Variants in CCDC171 observed in about 807,000 individuals in gnomAD.
CCDC171 encodes the protein coiled-coil domain-containing protein 171.
In CCDC171, 177 loss-of-function variants were observed where a neutral mutation model predicts 168.2. The observed-to-expected ratio is 1.05, with a 90% CI of 0.93 to 1.19. The LOEUF (loss-of-function observed/expected upper bound fraction) is 1.19. Ranked by LOEUF, CCDC171 falls within the 50% of genes most tolerant of loss-of-function variation. The pLI is 0.00. For missense variants in CCDC171, 1,991 were observed against 1,539.0 expected (o/e 1.29, Z -4.91); for synonymous variants, 687 against 540.8 (o/e 1.27, Z -3.75).
intron 7 of CCDC171, among the ~76,000 whole-genome samples, chr9:15,656,247 G>T (rs771801440): frequency 6.6e-6 from 1 of 151,954 alleles, no homozygotes; most frequent in South Asian, 2.1e-4. Flanking sequence ...GTATGAACCC[G>T]GGAGGTAGAG....
At chr9:15,687,248 C>G (rs2050459574) in intron 10 of CCDC171, among the ~76,000 whole-genome samples, 1 of 152,022 alleles carries the variant, frequency 6.6e-6, no homozygotes, top group South Asian at 2.1e-4. Flanking sequence ...TTGTGGGATG[C>G]AGCTAACACT....
chr9:15,605,792 T>C (rs2043187402), intron 6 of CCDC171, among the ~76,000 whole-genome samples: 1 of 152,096 alleles, frequency 6.6e-6, no homozygotes, highest in Non-Finnish European at 1.5e-5. Flanking sequence ...TGTCAGGATA[T>C]AGAAGCATTA....
intron 1 of CCDC171, among the ~76,000 whole-genome samples, chr9:16,052,375 A>G (rs1833763092): frequency 6.6e-6 from 1 of 152,152 alleles, no homozygotes; most frequent in African/African-American, 2.4e-5. Flanking sequence ...ACTGTGGCTC[A>G]TCCGGGCTGT....
chr9:15,921,898 A>G (rs547178366), intron 25 of CCDC171, among the ~76,000 whole-genome samples: 8 of 151,664 alleles, frequency 5.3e-5, no homozygotes, highest in East Asian at 1.9e-4. Flanking sequence ...GGGTCATACT[A>G]TTACTACTTT....
intron 24 of CCDC171, among the ~76,000 whole-genome samples, chr9:15,910,131 C>G (rs2987054): frequency 1.3e-5 from 2 of 151,734 alleles, no homozygotes; most frequent in Non-Finnish European, 1.5e-5. Flanking sequence ...ACATGAGTTT[C>G]CTTTTTTTAA....
At position 15,623,379 on chromosome 9, in the gene CCDC171, C is replaced by A. The variant is rs112320377; in HGVS notation, c.788C>A (p.Thr263Asn). 1 of 1,611,516 alleles carries A rather than the reference C, an allele frequency of 6.2e-7. No individual in the cohort carries two copies. Among genetic ancestry groups the A allele is most frequent in the Admixed American group, 1.7e-5 (1 of 59,790 alleles). Residue 263 changes from threonine (T) to asparagine (N), a missense_variant, in exon 7 of 26, where the codon ACT (threonine) becomes AAT (asparagine). By Grantham distance (65) the Thr-to-Asn change is moderately conservative. Coordinates refer to ENST00000380701, the MANE Select transcript of CCDC171 (RefSeq NM_173550.4). ...CAAACAAGTGAACTTGAATTTAGCA[C>A]TCAACGAGAGGAACGCCTTAGAAAA... ...RRQTSELEFS[T>N]QREERLRKEF...
At chr9:15,985,224 T>C (rs1261106314) in intron 3 of CCDC171, among the ~76,000 whole-genome samples, 2 of 152,148 alleles carry the variant, frequency 1.3e-5, no homozygotes, top group African/African-American at 4.8e-5. Flanking sequence ...ATAACCTTAC[T>C]TGAGTAATAA....
rs76130641 is a variant in CCDC171, at chr9:15,997,098, A to C, written n.369-23491A>C. ...GTGCCTGTGAAAGATAAAGGGGAAG[A>C]AAGGAGGATTGGGGAGGAAAAGCCT... On this transcript the variant is annotated intron_variant and non_coding_transcript_variant, in intron 3 of 9. Transcript: ENST00000486641. 5.6e-3 allele frequency among the ~76,000 whole-genome samples: 851 copies of C among 152,336 alleles called. 45 individuals carry two copies. In the East Asian group the frequency reaches 0.13, roughly 23 times the overall value.
At chr9:15,855,576 A>G (rs1419440541) in intron 23 of CCDC171, among the ~76,000 whole-genome samples, 3 of 151,694 alleles carry the variant, frequency 2.0e-5, no homozygotes, top group South Asian at 2.1e-4. Context: ...GACTTCTGCC[A>G]TTTTTTTCTG....
chr9:15,774,037 G>C (rs946580748), intron 18 of CCDC171, among the ~76,000 whole-genome samples: 5 of 152,160 alleles, frequency 3.3e-5, no homozygotes, highest in Admixed American at 2.6e-4. Flanking sequence ...CTTGAGGTCA[G>C]GATTTCAAGA....
At chr9:16,053,014 A>G (rs988151005) in intron 1 of CCDC171, among the ~76,000 whole-genome samples, 3 of 152,146 alleles carry the variant, frequency 2.0e-5, no homozygotes, top group African/African-American at 4.8e-5. Flanking sequence ...CTATGCATAC[A>G]TTGTTGCTGG....
the CCDC171 span, among the ~76,000 whole-genome samples, chr9:16,102,213 A>G: frequency 6.6e-6 from 1 of 152,106 alleles, no homozygotes. Context: ...CAGGGCTAGA[A>G]GGGAAATTAC....
Position 15,942,049 on chromosome 9 carries a change from C to G in CCDC171, c.3753+21627C>G, listed in dbSNP as rs190245427. Among the ~76,000 whole-genome samples the G allele has an allele frequency of 2.3e-4, 35 of 151,982 alleles. No homozygotes were observed. In the Middle Eastern group the frequency reaches 0.014, roughly 59 times the overall value. On this transcript the variant is annotated intron_variant, in intron 25 of 25. Coordinates refer to ENST00000380701, the MANE Select transcript of CCDC171 (RefSeq NM_173550.4). Reference sequence around the variant, plus strand: ...AATAGTATTTTCAGCCTTTCACCTACTTGATTTTTTCCCAAGTTTTAAATC... The same window carrying G: ...AATAGTATTTTCAGCCTTTCACCTAGTTGATTTTTTCCCAAGTTTTAAATC...
chr9:15,782,059 T>C (rs755187005), intron 20 of CCDC171, among the ~76,000 whole-genome samples: 1 of 152,318 alleles, frequency 6.6e-6, no homozygotes, highest in South Asian at 2.1e-4. Context: ...AGGGTTGTTA[T>C]ATTAAAAACA....
intron 10 of CCDC171, among the ~76,000 whole-genome samples, chr9:15,689,953 A>G (rs184625315): frequency 6.6e-6 from 1 of 152,314 alleles, no homozygotes; most frequent in African/African-American, 2.4e-5. Context: ...AGTGGGGGAA[A>G]GAATAATATT....
At chr9:16,067,466 A>C in the CCDC171 span, among the ~76,000 whole-genome samples, 7 of 152,048 alleles carry the variant, frequency 4.6e-5, no homozygotes, top group Admixed American at 2.0e-4. Flanking sequence ...CTTTAGTTTA[A>C]TTAGATCCCA....
At chr9:15,578,421 A>G (rs920989017) in intron 3 of CCDC171, among the ~76,000 whole-genome samples, 2 of 140,516 alleles carry the variant, frequency 1.4e-5, no homozygotes, top group Non-Finnish European at 3.1e-5. Context: ...TATTATTATT[A>G]TTATTATTAT....
At chr9:15,935,438 A>G (rs1827000684) in intron 25 of CCDC171, among the ~76,000 whole-genome samples, 1 of 152,078 alleles carries the variant, frequency 6.6e-6, no homozygotes, top group Non-Finnish European at 1.5e-5. Flanking sequence ...CAGCTTTAAA[A>G]TTCTTCAATT....
At chr9:15,760,954 A>T (rs762641564) in intron 18 of CCDC171, among the ~76,000 whole-genome samples, 2 of 152,180 alleles carry the variant, frequency 1.3e-5, no homozygotes, top group African/African-American at 4.8e-5. Flanking sequence ...ACAGGGGAGA[A>T]TGTTACTTCC....
Sources: gnomAD v4.1 joint callset for allele counts (sites outside exome capture counted in the v4.1 genomes callset) on GRCh38, gnomAD v4.1.1 for gene constraint, MANE v1.5 for transcripts, NCBI Gene and HGNC (gene_info 2026-07-23, HGNC 2026-07-21) for gene names.